Variants in CNBD1 observed in about 807,000 individuals in gnomAD.
CNBD1 encodes the protein cyclic nucleotide binding domain containing 1.
CNBD1 carries 71 observed loss-of-function variants against 54.4 expected under a neutral mutation model. The ratio of observed to expected loss-of-function variants is 1.30; its 90% CI spans 1.08 to 1.59. The LOEUF is 1.59. Ranked by LOEUF, CNBD1 falls within the 40% of genes most tolerant of loss-of-function variation. The pLI, the probability that CNBD1 is intolerant of heterozygous loss-of-function variation, is 0.00. For synonymous variants in CNBD1, 182 were observed against 170.7 expected, an observed-to-expected ratio of 1.07 and a Z score of -0.51; for missense variants, 659 against 518.0, an observed-to-expected ratio of 1.27 and a Z score of -2.64.
chr8:86,953,694 CCT>C (rs901712758), intron 4 of CNBD1, among the ~76,000 whole-genome samples: 10 of 151,962 alleles, frequency 6.6e-5, no homozygotes, highest in Non-Finnish European at 1.2e-4. Context: ...TAGTGTGACC[CCT>C]GTCTCTACAA....
intron 4 of CNBD1, among the ~76,000 whole-genome samples, chr8:87,040,123 C>G (rs1027979368): frequency 6.6e-6 from 1 of 152,230 alleles, no homozygotes; most frequent in Non-Finnish European, 1.5e-5. Context: ...AAACCATAAT[C>G]TCTAATCTTG....
chr8:87,149,322 C>T (rs1298355319), intron 4 of CNBD1, among the ~76,000 whole-genome samples: 1 of 151,988 alleles, frequency 6.6e-6, no homozygotes, highest in East Asian at 1.9e-4. Flanking sequence ...AGACTATTGG[C>T]AAGAATTTTT....
chr8:86,918,924 G>A (rs1809229149), intron 3 of CNBD1, among the ~76,000 whole-genome samples: 1 of 151,104 alleles, frequency 6.6e-6, no homozygotes, highest in African/African-American at 2.4e-5. Flanking sequence ...AGTCTCCAAT[G>A]ACTATTATTT....
chr8:87,048,653 C>G (rs1638382787), intron 4 of CNBD1, among the ~76,000 whole-genome samples: 1 of 152,090 alleles, frequency 6.6e-6, no homozygotes, highest in Non-Finnish European at 1.5e-5. Context: ...CCTCAGAGGA[C>G]TTTTCTATTT....
At chr8:87,087,188 A>G (rs1335693993) in intron 4 of CNBD1, among the ~76,000 whole-genome samples, 1 of 148,298 alleles carries the variant, frequency 6.7e-6, no homozygotes, top group Non-Finnish European at 1.5e-5. Context: ...AAAAAAAAAA[A>G]AAATGTTAGT....
At chr8:87,376,590 G>A (rs540816934) in intron 10 of CNBD1, among the ~76,000 whole-genome samples, 1 of 151,960 alleles carries the variant, frequency 6.6e-6, no homozygotes, top group East Asian at 1.9e-4. Flanking sequence ...GCACACATTT[G>A]GACATATGTA....
At chr8:87,216,801 C>G (rs1481460710) in intron 5 of CNBD1, among the ~76,000 whole-genome samples, 1 of 152,112 alleles carries the variant, frequency 6.6e-6, no homozygotes, top group Non-Finnish European at 1.5e-5. Context: ...GCTATAGTAT[C>G]AAGGAAACTT....
chr8:87,190,270 C>T (rs1322892866), intron 4 of CNBD1, among the ~76,000 whole-genome samples: 1 of 152,134 alleles, frequency 6.6e-6, no homozygotes, highest in Non-Finnish European at 1.5e-5. Context: ...TTTTTGGATC[C>T]TTGAGGAACT....
intron 8 of CNBD1, among the ~76,000 whole-genome samples, chr8:87,303,949 A>G (rs1809080416): frequency 6.6e-6 from 1 of 152,156 alleles, no homozygotes; most frequent in Admixed American, 6.5e-5. Flanking sequence ...ATCATCTCAC[A>G]CCAGTTAGAA....
intron 1 of CNBD1, among the ~76,000 whole-genome samples, chr8:86,884,076 C>T (rs964999452): frequency 2.6e-4 from 39 of 151,234 alleles, no homozygotes; most frequent in African/African-American, 9.2e-4. Context: ...GGCGTGAACC[C>T]GGGAGGCGGA....
At chr8:87,350,993 G>A (rs1035845391) in intron 8 of CNBD1, among the ~76,000 whole-genome samples, 3 of 152,098 alleles carry the variant, frequency 2.0e-5, no homozygotes, top group South Asian at 2.1e-4. Context: ...TCGATTTATT[G>A]TAATAACATG....
chr8:87,029,909 TGA>T (rs1296476997), intron 4 of CNBD1, among the ~76,000 whole-genome samples: 4 of 152,218 alleles, frequency 2.6e-5, no homozygotes, highest in African/African-American at 9.6e-5. Flanking sequence ...TAGGTGCCTA[TGA>T]CAGGCACATA....
chr8:87,020,524 A>AT (rs201232837), intron 4 of CNBD1, among the ~76,000 whole-genome samples: 3,321 of 151,842 alleles, frequency 0.022, 94 homozygotes, highest in African/African-American at 0.075. Context: ...CTAAGCTCTT[A>AT]TTTTTTTTAT....
chr8:87,358,802 G>C (rs1810471865), intron 10 of CNBD1, among the ~76,000 whole-genome samples: 1 of 152,142 alleles, frequency 6.6e-6, no homozygotes, highest in Non-Finnish European at 1.5e-5. Flanking sequence ...ACAGGAGGCA[G>C]TTGTATTAAG....
intron 4 of CNBD1, among the ~76,000 whole-genome samples, chr8:87,094,436 C>G (rs1361622379): frequency 6.8e-6 from 1 of 146,548 alleles, no homozygotes; most frequent in Non-Finnish European, 1.5e-5. Context: ...GATTTTTTTT[C>G]TTTAATGCTT....
At chr8:87,232,443 C>T (rs368985220) in intron 5 of CNBD1, among the ~76,000 whole-genome samples, 13 of 152,188 alleles carry the variant, frequency 8.5e-5, no homozygotes, top group African/African-American at 2.9e-4. Context: ...TTGATTCTTT[C>T]AGTTTTTAAA....
chr8:87,382,598 T>G (rs780303264), intron 10 of CNBD1, 22 bp from the exon 11 acceptor site: 2 of 1,524,754 alleles, frequency 1.3e-6, no homozygotes, highest in East Asian at 4.9e-5. Flanking sequence ...TAACTTCTTG[T>G]TTGTTTGTTT....
rs559958404 is a variant in CNBD1 at position 87,275,382 on chromosome 8, C to T, written c.772-9296C>T. Among the ~76,000 whole-genome samples the T allele has an allele frequency of 3.5e-3, 531 of 151,776 alleles. 2 individuals are homozygous for T. Among genetic ancestry groups the T allele is most frequent in the African/African-American group, 0.011 (461 of 41,394 alleles). On this transcript the variant is annotated intron_variant, in intron 6 of 10. Transcript: ENST00000518476. ...ACCTTGGGCAGTATGGCCATTTTCACGATATTGATTCTTCCTACCCATGAG... is the reference window on the plus strand; with the variant it reads ...ACCTTGGGCAGTATGGCCATTTTCATGATATTGATTCTTCCTACCCATGAG...
At chr8:87,376,788 AT>A (rs1810949637) in intron 10 of CNBD1, among the ~76,000 whole-genome samples, 1 of 151,948 alleles carries the variant, frequency 6.6e-6, no homozygotes, top group African/African-American at 2.4e-5. Flanking sequence ...ACTTGCACAA[AT>A]ACATAGAAAT....
Sources: gnomAD v4.1 joint callset for allele counts (sites outside exome capture counted in the v4.1 genomes callset) on GRCh38, gnomAD v4.1.1 for gene constraint, MANE v1.5 for transcripts, NCBI Gene and HGNC (gene_info 2026-07-23, HGNC 2026-07-21) for gene names.